Variants in ANKRD27 observed in about 807,000 individuals in gnomAD.
ANKRD27 encodes the protein ankyrin repeat domain 27.
ANKRD27 carries 112 observed loss-of-function variants against 129.7 expected under a neutral mutation model. The ratio of observed to expected loss-of-function variants is 0.86; its 90% CI spans 0.74 to 1.01. The LOEUF is 1.01. ANKRD27 is among the 50% of genes least tolerant of loss of function. The pLI is 0.00. For synonymous variants in ANKRD27, 516 were observed against 511.2 expected, an observed-to-expected ratio of 1.01 and a Z score of -0.13; for missense variants, 1,258 against 1,300.5, an observed-to-expected ratio of 0.97 and a Z score of 0.50.
intron 24 of ANKRD27, 121 bp from the exon 25 acceptor site, chr19:32,604,545 T>A: frequency 9.1e-7 from 1 of 1,094,492 alleles, no homozygotes; most frequent in Non-Finnish European, 1.2e-6. Flanking sequence ...AAAGTTTCCT[T>A]AAAATTTGGG....
rs190576722 is a variant in ANKRD27, at chr19:32,604,529, T to C, written c.2494-105A>G. ...GCTATAAAACACATTGTTTTTTTTA[T>C]GTCTGAAAGTTTCCTTAAAATTTGG... On this transcript the variant is annotated intron_variant, in intron 24 of 28. Transcript: ENST00000306065. 43 of 1,186,980 alleles carry C rather than the reference T, an allele frequency of 3.6e-5. No individual in the cohort carries two copies. The Middle Eastern group carries it at 1.5e-3, about 41-fold the overall frequency. 73.5% of individuals were successfully genotyped at this position (1,186,980 alleles called of 1,614,324 possible). A position where few individuals can be genotyped will look rare whatever the true frequency, so the allele number is the denominator to read the frequency against.
chr19:32,638,286 C>G (rs1265590435), intron 12 of ANKRD27: 2 of 152,350 alleles, frequency 1.3e-5, no homozygotes, highest in Non-Finnish European at 2.9e-5. Flanking sequence ...TCGGGACTAC[C>G]AACTGCAGGA....
At chr19:32,636,884 A>G (rs1967101678) in intron 12 of ANKRD27, among the ~76,000 whole-genome samples, 1 of 151,994 alleles carries the variant, frequency 6.6e-6, no homozygotes, top group Non-Finnish European at 1.5e-5. Flanking sequence ...AGTAGCTGGG[A>G]TTACAGGCAC....
At chr19:32,666,377 T>C (rs2095791676) in intron 1 of ANKRD27, 1 of 152,208 alleles carries the variant, frequency 6.6e-6, no homozygotes, top group Non-Finnish European at 1.5e-5. Flanking sequence ...AGAAGACCCT[T>C]CCATGATTCA....
chr19:32,654,518 C>T (rs201573267), intron 2 of ANKRD27, among the ~76,000 whole-genome samples: 8 of 152,174 alleles, frequency 5.3e-5, no homozygotes, highest in Middle Eastern at 3.2e-3. Flanking sequence ...AGCACAACTG[C>T]GGACTGGACA....
intron 9 of ANKRD27, 71 bp from the exon 10 acceptor site, chr19:32,642,216 A>AGCGAC: frequency 3.7e-6 from 5 of 1,354,554 alleles, no homozygotes; most frequent in East Asian, 2.6e-5. Context: ...ATCTAAGAAC[A>AGCGAC]CATCTCAGGA....
At chr19:32,662,737 A>G (rs1045316663) in intron 1 of ANKRD27, among the ~76,000 whole-genome samples, 42 of 151,520 alleles carry the variant, frequency 2.8e-4, no homozygotes, top group African/African-American at 9.9e-4. Context: ...GTGAGACCCC[A>G]TCTCTTTAAA....
In ANKRD27 at chr19:32,675,159, C is replaced by T. The variant is rs931709325; in HGVS notation, c.-119G>A. ...CTGCTGGGACCTCGATGCCCACCAC[C>T]CTCGCGCGGCGATCTGGCCCTATAG... On this transcript the variant is annotated 5_prime_UTR_variant, in exon 1 of 29. Coordinates refer to ENST00000306065, the MANE Select transcript of ANKRD27 (RefSeq NM_032139.3). The T allele has an allele frequency of 2.0e-5, 3 of 152,472 alleles. No individual in the cohort carries two copies. The highest frequency in any genetic ancestry group is 2.4e-5 in the African/African-American group (1 of 41,564). The allele number at this position is 152,472 out of a possible 1,614,324, so 9.4% of individuals were successfully genotyped here. A position where few individuals can be genotyped will look rare whatever the true frequency, so the allele number is the denominator to read the frequency against.
At chr19:32,640,503 G>C in intron 10 of ANKRD27, 118 bp from the exon 11 acceptor site, 1 of 797,900 alleles carries the variant, frequency 1.3e-6, no homozygotes, top group African/African-American at 1.7e-5. Flanking sequence ...TCATACACTG[G>C]GGGAGAAATG....
Position 32,602,053 on chromosome 19 carries a change from T to C in ANKRD27, c.2729A>G (p.Asp910Gly), listed in dbSNP as rs759416169. 17 of 1,613,972 alleles carry C rather than the reference T, an allele frequency of 1.1e-5. No homozygotes were observed. The highest frequency in any genetic ancestry group is 8.8e-5 in the South Asian group (8 of 91,048). The change falls in exon 26 of 29, where the codon GAC becomes GGC. Residue 910 changes from aspartate (D) to glycine (G), a missense_variant. Transcript: ENST00000306065. ...CTTAACAGTGACATACTCCTTGCGG[T>C]CAGTTTCAGCCACATCATCTAATGA... ...VASLDDVAET[D>G]RKEYVTVKIR...
At chr19:32,656,083 GAAAGAAAGAAAGAAAGAAAGAAAGA>G (rs1222998484) in intron 2 of ANKRD27, among the ~76,000 whole-genome samples, 14 of 118,538 alleles carry the variant, frequency 1.2e-4, no homozygotes, top group African/African-American at 6.2e-4. Context: ...AAGAAAGAAA[GAAAGAAAGAAAGAAAGAAAGAAAGA>G]AAAGAAAAGA....
intron 14 of ANKRD27, 77 bp downstream of exon 14, chr19:32,628,645 C>T: frequency 2.5e-6 from 4 of 1,578,100 alleles, no homozygotes; most frequent in Non-Finnish European, 3.5e-6. Context: ...TGCAGTCACA[C>T]AGCGCACAGT....
intron 22 of ANKRD27, among the ~76,000 whole-genome samples, chr19:32,610,802 A>G (rs1971824237): frequency 6.6e-6 from 1 of 152,032 alleles, no homozygotes; most frequent in Admixed American, 6.6e-5. Flanking sequence ...AAAAAAGAAA[A>G]AAAAGAAGTA....
chr19:32,642,990 G>C, intron 9 of ANKRD27, 133 bp downstream of exon 9: 1 of 857,262 alleles, frequency 1.2e-6, no homozygotes, highest in Non-Finnish European at 1.9e-6. Context: ...TTGGTTGCAA[G>C]TAACTGCGCT....
chr19:32,606,166 T>C (rs1253784685), intron 23 of ANKRD27, among the ~76,000 whole-genome samples: 1 of 149,202 alleles, frequency 6.7e-6, no homozygotes, highest in East Asian at 1.9e-4. Context: ...TTTTTTTTTT[T>C]TTTCCAGACA....
intron 12 of ANKRD27, chr19:32,637,703 T>C (rs2037448405): frequency 6.6e-6 from 1 of 152,354 alleles, no homozygotes; most frequent in Admixed American, 6.5e-5. Flanking sequence ...GCCGCAGCTC[T>C]GGATCCAGGA....
chr19:32,642,352 T>C (rs899795880), intron 9 of ANKRD27, among the ~76,000 whole-genome samples: 37 of 149,862 alleles, frequency 2.5e-4, no homozygotes, highest in African/African-American at 8.2e-4. Context: ...GGTGATAGAG[T>C]TGTACAAGAA....
chr19:32,665,466 GT>G (rs1432880801), intron 1 of ANKRD27, among the ~76,000 whole-genome samples: 2 of 147,250 alleles, frequency 1.4e-5, no homozygotes, highest in Non-Finnish European at 1.5e-5. Flanking sequence ...ATTTTTGTTT[GT>G]TTGTTTGTTT....
chr19:32,653,569 G>A (rs983780703), intron 2 of ANKRD27, among the ~76,000 whole-genome samples: 1 of 152,098 alleles, frequency 6.6e-6, no homozygotes, highest in African/African-American at 2.4e-5. Context: ...GTTGTCACAG[G>A]CCTCTGAAAT....
Sources: allele counts gnomAD v4.1 joint callset (sites outside exome capture counted in the v4.1 genomes callset), GRCh38; gene constraint gnomAD v4.1.1; transcripts MANE v1.5; gene names NCBI Gene and HGNC (gene_info 2026-07-23, HGNC 2026-07-21).